CYP2C18: variants seen among roughly 807,000 people sequenced by gnomAD.
The protein encoded by CYP2C18 is cytochrome P450 family 2 subfamily C member 18.
In CYP2C18, 38 loss-of-function variants were observed where a neutral mutation model predicts 41.3. That is an observed-to-expected ratio of 0.92 (90% CI 0.71 to 1.21). CYP2C18 has a LOEUF of 1.21. CYP2C18 is among the 50% of genes most tolerant of loss of function. The probability of loss-of-function intolerance (pLI) is 0.00; values close to 1 mark genes in which losing one functional copy is unlikely to be tolerated. For missense variants in CYP2C18, 635 were observed against 591.4 expected (o/e 1.07, Z -0.77); for synonymous variants, 236 against 210.0 (o/e 1.12, Z -1.07).
chr10:94,720,348 A>G, intron 5 of CYP2C18, 48 bp from the exon 6 acceptor site: 1 of 1,509,926 alleles, frequency 6.6e-7, no homozygotes. Context: ...TTGTAATTTA[A>G]TATGCTGGCA....
intron 4 of CYP2C18, among the ~76,000 whole-genome samples, chr10:94,700,794 CA>C (rs1287779301): frequency 2.0e-5 from 3 of 152,138 alleles, no homozygotes. Flanking sequence ...AGAACCCCAT[CA>C]AAAAGTGGGC....
At chr10:94,712,233 C>A (rs1290920103) in intron 5 of CYP2C18, among the ~76,000 whole-genome samples, 1 of 150,278 alleles carries the variant, frequency 6.7e-6, no homozygotes, top group Non-Finnish European at 1.5e-5. Context: ...GGATTGTACT[C>A]TATTATTAGC....
At chr10:94,715,867 G>T (rs148100010) in intron 5 of CYP2C18, among the ~76,000 whole-genome samples, 7,259 of 152,008 alleles carry the variant, frequency 0.048, 234 homozygotes, top group South Asian at 0.11. Flanking sequence ...CAGAGCCTGT[G>T]ATTGGTCTAT....
intron 1 of CYP2C18, among the ~76,000 whole-genome samples, chr10:94,686,202 TG>T (rs1477563661): frequency 1.3e-5 from 2 of 152,206 alleles, no homozygotes; most frequent in African/African-American, 4.8e-5. Flanking sequence ...TTGTTGCTAG[TG>T]TATAAAAATG....
At chr10:94,726,741 G>T (rs1847749670) in intron 7 of CYP2C18, among the ~76,000 whole-genome samples, 1 of 152,044 alleles carries the variant, frequency 6.6e-6, no homozygotes, top group Non-Finnish European at 1.5e-5. Context: ...AGTAATTTTT[G>T]TCTCAACATC....
intron 7 of CYP2C18, among the ~76,000 whole-genome samples, chr10:94,730,174 T>C (rs1437523926): frequency 2.6e-5 from 4 of 152,184 alleles, no homozygotes; most frequent in Non-Finnish European, 5.9e-5. Flanking sequence ...AAGTACTTGT[T>C]AATCAGCACA....
intron 4 of CYP2C18, among the ~76,000 whole-genome samples, chr10:94,696,933 A>C (rs59537614): frequency 0.012 from 1,843 of 152,298 alleles, 53 homozygotes; most frequent in African/African-American, 0.042. Flanking sequence ...TTAGCAAAAA[A>C]AGAATAAGAA....
At chr10:94,685,028 A>C (rs935111160) in intron 1 of CYP2C18, among the ~76,000 whole-genome samples, 1 of 57,560 alleles carries the variant, frequency 1.7e-5, no homozygotes, top group Non-Finnish European at 3.7e-5. Context: ...TGCCCATTTA[A>C]TTAATTAATT....
chr10:94,686,395 T>C (rs1846888195), intron 1 of CYP2C18, among the ~76,000 whole-genome samples: 1 of 152,214 alleles, frequency 6.6e-6, no homozygotes, highest in South Asian at 2.1e-4. Flanking sequence ...AATATTCCTA[T>C]ATGAATATTT....
At chr10:94,690,825 C>G (rs1375389177) in intron 3 of CYP2C18, among the ~76,000 whole-genome samples, 1 of 152,120 alleles carries the variant, frequency 6.6e-6, no homozygotes, top group Non-Finnish European at 1.5e-5. Flanking sequence ...GCTTATCCAC[C>G]ATAATCAAGT....
chr10:94,704,150 C>A (rs1847294635), intron 4 of CYP2C18, among the ~76,000 whole-genome samples: 1 of 152,138 alleles, frequency 6.6e-6, no homozygotes, highest in Non-Finnish European at 1.5e-5. Context: ...TCGTTGGGAA[C>A]CACAGACTGG....
At chr10:94,713,712 G>A (rs1034459940) in intron 5 of CYP2C18, among the ~76,000 whole-genome samples, 1 of 152,132 alleles carries the variant, frequency 6.6e-6, no homozygotes, top group African/African-American at 2.4e-5. Context: ...GGGATGGCTG[G>A]GTCCAATGAT....
intron 5 of CYP2C18, 139 bp downstream of exon 5, chr10:94,707,099 A>T (rs1163581536): frequency 1.9e-6 from 1 of 532,958 alleles, no homozygotes; most frequent in Non-Finnish European, 3.1e-6. Flanking sequence ...AGCACCATGG[A>T]GAATTTATAA....
chr10:94,711,377 T>G (rs1364404297), intron 5 of CYP2C18, among the ~76,000 whole-genome samples: 1 of 152,186 alleles, frequency 6.6e-6, no homozygotes, highest in African/African-American at 2.4e-5. Flanking sequence ...TCCGAGTTCA[T>G]AATGAGTCTG....
At position 94,694,957 on chromosome 10, in the gene CYP2C18, C is replaced by A; in HGVS notation, c.522C>A (p.Pro174=). The change falls in exon 4 of 9, where the codon CCC becomes CCA. Residue 174 remains proline, a synonymous_variant. Transcript: ENST00000285979. ...CCACTTTCATCCTGGGCTGTGCTCCCTGCAATGTGATCTGCTCTGTTATTT... is the reference window on the plus strand; with the variant it reads ...CCACTTTCATCCTGGGCTGTGCTCCATGCAATGTGATCTGCTCTGTTATTT... ...CDPTFILGCA[P]CNVICSVIFH... The A allele has an allele frequency of 6.2e-7, 1 of 1,613,090 alleles. No individual in the cohort carries two copies. Among genetic ancestry groups the A allele is most frequent in the South Asian group, 1.1e-5 (1 of 91,008 alleles).
At chr10:94,714,671 G>C (rs778117407) in intron 5 of CYP2C18, among the ~76,000 whole-genome samples, 14 of 151,982 alleles carry the variant, frequency 9.2e-5, no homozygotes, top group Non-Finnish European at 2.1e-4. Context: ...GCTCTTTTTT[G>C]GTTCCATATG....
At chr10:94,707,043 C>A (rs1286550417) in intron 5 of CYP2C18, 83 bp downstream of exon 5, 2 of 1,130,192 alleles carry the variant, frequency 1.8e-6, no homozygotes, top group Non-Finnish European at 2.6e-6. Context: ...GCAAGAAACA[C>A]TTCATGAGCA....
At chr10:94,721,697 T>C (rs1025627996) in intron 6 of CYP2C18, among the ~76,000 whole-genome samples, 10 of 152,152 alleles carry the variant, frequency 6.6e-5, no homozygotes, top group African/African-American at 2.4e-4. Flanking sequence ...CATTTATAAG[T>C]GAGAACATGT....
intron 1 of CYP2C18, among the ~76,000 whole-genome samples, chr10:94,684,319 T>G (rs1846844311): frequency 6.6e-6 from 1 of 152,180 alleles, no homozygotes; most frequent in Non-Finnish European, 1.5e-5. Flanking sequence ...AGTGTAACTC[T>G]GTACCTGTTG....
Sources: allele counts gnomAD v4.1 joint callset (sites outside exome capture counted in the v4.1 genomes callset), GRCh38; gene constraint gnomAD v4.1.1; transcripts MANE v1.5; gene names NCBI Gene and HGNC (gene_info 2026-07-23, HGNC 2026-07-21).